Variants in TNFRSF10B observed in about 807,000 individuals in gnomAD.
TNFRSF10B encodes tumor necrosis factor receptor superfamily member 10B.
In TNFRSF10B, 35 loss-of-function variants were observed where a neutral mutation model predicts 41.4. The observed-to-expected ratio is 0.85, with a 90% confidence interval of 0.65 to 1.12. The LOEUF (loss-of-function observed/expected upper bound fraction) is 1.12. TNFRSF10B is among the 50% of genes most tolerant of loss of function. TNFRSF10B has a pLI of 0.00. For missense variants in TNFRSF10B, 584 were observed against 552.7 expected (o/e 1.06, Z -0.57); for synonymous variants, 230 against 215.5 (o/e 1.07, Z -0.59).
chr8:23,027,511 G>T, intron 6 of TNFRSF10B: 2 of 783,800 alleles, frequency 2.6e-6, no homozygotes, highest in Non-Finnish European at 4.1e-6. Context: ...GCTGTGGGGT[G>T]AGGATGTCAC....
intron 5 of TNFRSF10B, 135 bp from the exon 6 acceptor site, chr8:23,027,888 G>C (rs571141187): frequency 9.6e-7 from 1 of 1,037,738 alleles, no homozygotes; most frequent in African/African-American, 1.6e-5. Context: ...GGACAGAATG[G>C]GGCCTTACAA....
rs1554506733 is a variant in TNFRSF10B, at chr8:23,020,627, G to T, written c.*2044C>A. On this transcript the variant is annotated 3_prime_UTR_variant, in exon 9 of 9. Coordinates refer to ENST00000276431, the MANE Select transcript of TNFRSF10B (RefSeq NM_003842.5). ...GAATCGCTTGAACCCAGGAGGCGGA[G>T]GTTGCACTGAGCCAAGATCGTACCG... is the stretch of plus-strand genomic sequence containing the variant. The T allele has an allele frequency of 2.2e-6, 1 of 453,382 alleles. No individual in the cohort carries two copies. The highest frequency in any genetic ancestry group is 4.4e-6 in the Non-Finnish European group (1 of 226,318). The allele number at this position is 453,382 out of a possible 1,614,324, so 28.1% of individuals were successfully genotyped here. A position where few individuals can be genotyped will look rare whatever the true frequency, so the allele number is the denominator to read the frequency against.
intron 7 of TNFRSF10B, among the ~76,000 whole-genome samples, chr8:23,025,960 C>T (rs1811691197): frequency 6.6e-6 from 1 of 152,236 alleles, no homozygotes; most frequent in Non-Finnish European, 1.5e-5. Context: ...CCTATAGTTC[C>T]AGCTACTCAG....
At chr8:23,062,209 T>G (rs1812850522) in intron 1 of TNFRSF10B, among the ~76,000 whole-genome samples, 1 of 151,908 alleles carries the variant, frequency 6.6e-6, no homozygotes, top group African/African-American at 2.4e-5. Context: ...TTCTCTATGG[T>G]TTTTCTTTTT....
rs141046996 is a variant in TNFRSF10B at position 23,024,257 on chromosome 8, G to C, written c.940C>G (p.Pro314Ala). The C allele has an allele frequency of 6.2e-7, 1 of 1,613,992 alleles. No individual in the cohort carries two copies. Among genetic ancestry groups the C allele is most frequent in the Admixed American group, 1.7e-5 (1 of 60,012 alleles). Residue 314 changes from proline (P) to alanine (A), a missense_variant, in exon 8 of 9, where the codon CCG (proline) becomes GCG (alanine). Physicochemically the swap from Pro to Ala is conservative, Grantham distance 27. Coordinates refer to ENST00000276431, the MANE Select transcript of TNFRSF10B (RefSeq NM_003842.5). ...CTCTGAGACCTTTCAGCTTCTGCCG[G>C]TTCCTGTAACACATAGTGGGGAATG... ...SPGESEHLLE[P>A]AEAERSQRRR...
intron 8 of TNFRSF10B, among the ~76,000 whole-genome samples, chr8:23,023,794 A>T (rs1053133478): frequency 7.9e-5 from 12 of 152,208 alleles, no homozygotes; most frequent in African/African-American, 2.7e-4. Flanking sequence ...TGGCATTCGT[A>T]TGTAGTTTAC....
In TNFRSF10B at chr8:23,030,594, G is replaced by A. The variant is rs527934030; in HGVS notation, c.364+165C>T. The stretch of plus-strand genomic sequence containing the variant: ...GATTACAGGCATGAGCCACTGTGCC[G>A]GGCCTGTTTTATTTATTAAAAAGCT... On this transcript the variant is annotated intron_variant, in intron 3 of 8. Coordinates refer to ENST00000276431, the MANE Select transcript of TNFRSF10B (RefSeq NM_003842.5). Among the ~76,000 whole-genome samples, 26 of 152,030 alleles carry A rather than the reference G, an allele frequency of 1.7e-4. No individual in the cohort carries two copies. The South Asian group carries it at 3.1e-3, about 18-fold the overall frequency.
intron 3 of TNFRSF10B, 62 bp from the exon 4 acceptor site, chr8:23,029,783 C>G: frequency 6.6e-7 from 1 of 1,509,638 alleles, no homozygotes; most frequent in South Asian, 1.2e-5. Context: ...GACCCTTCCT[C>G]CCCACCCCAA....
At chr8:23,058,750 G>A (rs1470795460) in intron 1 of TNFRSF10B, among the ~76,000 whole-genome samples, 1 of 152,046 alleles carries the variant, frequency 6.6e-6, no homozygotes, top group Non-Finnish European at 1.5e-5. Context: ...CTCCCAAAGT[G>A]CTGGGATTAC....
At chr8:23,028,152 G>T in intron 5 of TNFRSF10B, 179 bp downstream of exon 5, 2 of 786,962 alleles carry the variant, frequency 2.5e-6, no homozygotes, top group East Asian at 2.7e-5. Flanking sequence ...GGACTGAAGA[G>T]ACCAGGGTCC....
chr8:23,058,348 AG>A (rs1812729348), intron 1 of TNFRSF10B, among the ~76,000 whole-genome samples: 1 of 152,194 alleles, frequency 6.6e-6, no homozygotes, highest in Non-Finnish European at 1.5e-5. Flanking sequence ...GTGGATTTAC[AG>A]TTAGTGTAAT....
intron 2 of TNFRSF10B, among the ~76,000 whole-genome samples, chr8:23,031,925 T>G (rs1811896893): frequency 1.3e-5 from 2 of 151,680 alleles, no homozygotes; most frequent in African/African-American, 4.8e-5. Context: ...TTTTTTTTTT[T>G]TTTTGAGACG....
At position 23,033,984 on chromosome 8, in the gene TNFRSF10B, T is replaced by C. The variant is rs551202799; in HGVS notation, c.251-3112A>G. The stretch of plus-strand genomic sequence containing the variant: ...GATGGTAATGCTTCAACATATGATT[T>C]TGGGGACACAATTCAGTCTGTAGCA... On this transcript the variant is annotated intron_variant, in intron 2 of 8. Transcript: ENST00000276431. Among the ~76,000 whole-genome samples, 12 of 152,306 alleles carry C rather than the reference T, an allele frequency of 7.9e-5. No individual in the cohort carries two copies. The East Asian group carries it at 1.9e-3, about 24-fold the overall frequency.
chr8:23,030,023 G>A (rs1811834455), intron 3 of TNFRSF10B, among the ~76,000 whole-genome samples: 1 of 152,174 alleles, frequency 6.6e-6, no homozygotes, highest in African/African-American at 2.4e-5. Flanking sequence ...GAAGTGCAAG[G>A]GATCACCTGA....
At chr8:23,066,011 G>A (rs1382091741) in intron 1 of TNFRSF10B, among the ~76,000 whole-genome samples, 3 of 152,278 alleles carry the variant, frequency 2.0e-5, no homozygotes, top group Non-Finnish European at 2.9e-5. Flanking sequence ...GGTTGCGCAC[G>A]GTGGCTCAGG....
chr8:23,053,722 G>A (rs1238372153), intron 1 of TNFRSF10B, among the ~76,000 whole-genome samples: 3 of 152,160 alleles, frequency 2.0e-5, no homozygotes, highest in East Asian at 1.9e-4. Flanking sequence ...TTGGGTAAAT[G>A]TGTCTATAAG....
rs1387171626 is a variant in TNFRSF10B at position 23,024,173 on chromosome 8, G to A, written c.1009+15C>T. The A allele has an allele frequency of 1.2e-6, 2 of 1,614,044 alleles. No homozygotes were observed. The highest frequency in any genetic ancestry group is 8.5e-7 in the Non-Finnish European group (1 of 1,179,972). On this transcript the variant is annotated intron_variant, in intron 8 of 8. Coordinates refer to ENST00000276431, the MANE Select transcript of TNFRSF10B (RefSeq NM_003842.5). ...CCCTCCATTCCTGCTGCATCTCCAGGAGCAAAACACTTACTCTCAGTGGGA... is the reference window on the plus strand; with the variant it reads ...CCCTCCATTCCTGCTGCATCTCCAGAAGCAAAACACTTACTCTCAGTGGGA...
chr8:23,041,762 A>G (rs975616483), intron 2 of TNFRSF10B, among the ~76,000 whole-genome samples: 1 of 152,126 alleles, frequency 6.6e-6, no homozygotes, highest in Non-Finnish European at 1.5e-5. Context: ...AGTCCTTGAC[A>G]CTTGCTATGG....
chr8:23,054,001 C>G (rs113218275), intron 1 of TNFRSF10B, among the ~76,000 whole-genome samples: 2 of 152,146 alleles, frequency 1.3e-5, no homozygotes, highest in African/African-American at 4.8e-5. Context: ...AACAGATACC[C>G]TTGTCATCAA....
Sources: allele counts gnomAD v4.1 joint callset (sites outside exome capture counted in the v4.1 genomes callset), GRCh38; gene constraint gnomAD v4.1.1; transcripts MANE v1.5; gene names NCBI Gene and HGNC (gene_info 2026-07-23, HGNC 2026-07-21).